Variants in HECW1 observed in about 807,000 individuals in gnomAD.
HECW1 encodes E3 ubiquitin-protein ligase HECW1.
Under a neutral mutation model 182.3 loss-of-function variants are expected in HECW1, and 61 were observed. That is an observed-to-expected ratio of 0.33 (90% CI 0.27 to 0.41). The LOEUF (loss-of-function observed/expected upper bound fraction) is 0.41, where lower values mean the gene tolerates loss of function less well. Ranked by LOEUF, HECW1 falls within the 10% of genes least tolerant of loss-of-function variation. The probability of loss-of-function intolerance (pLI) is 1.00; values close to 1 mark genes in which losing one functional copy is unlikely to be tolerated. For missense variants in HECW1, 1,739 were observed against 2,108.9 expected (o/e 0.82, Z 3.44); for synonymous variants, 859 against 832.6 (o/e 1.03, Z -0.55).
chr7:43,203,655 G>A (rs953410230), intron 2 of HECW1, among the ~76,000 whole-genome samples: 4 of 151,916 alleles, frequency 2.6e-5, no homozygotes, highest in African/African-American at 4.8e-5. Context: ...ACAGGGTTTC[G>A]CCATATTGGC....
intron 2 of HECW1, among the ~76,000 whole-genome samples, chr7:43,163,426 C>G (rs1453608176): frequency 6.6e-6 from 1 of 152,164 alleles, no homozygotes; most frequent in African/African-American, 2.4e-5. Context: ...CTTGTTCTGT[C>G]CGGGGGGAGG....
intron 7 of HECW1, among the ~76,000 whole-genome samples, chr7:43,399,192 GCTGTTGTCTTTGTTTC>G (rs1324348632): frequency 2.6e-5 from 4 of 152,190 alleles, no homozygotes; most frequent in African/African-American, 9.7e-5. Context: ...GGAAAGAGCT[GCTGTTGTCTTTGTTTC>G]AAAGGTAAAC....
intron 6 of HECW1, among the ~76,000 whole-genome samples, chr7:43,364,143 C>T (rs770572486): frequency 4.1e-4 from 62 of 152,176 alleles, no homozygotes; most frequent in Non-Finnish European, 2.6e-4. Flanking sequence ...TGTGACAATA[C>T]GCTAAACCTA....
At chr7:43,419,402 T>G (rs1391751955) in intron 8 of HECW1, among the ~76,000 whole-genome samples, 1 of 152,232 alleles carries the variant, frequency 6.6e-6, no homozygotes, top group Non-Finnish European at 1.5e-5. Context: ...TTTGGATTTT[T>G]AAAAACAAGC....
chr7:43,450,860 G>A lies in HECW1; in HGVS notation c.2431G>A (p.Val811Ile). 2 of 1,612,996 alleles carry A rather than the reference G, an allele frequency of 1.2e-6. No individual in the cohort carries two copies. The highest frequency in any genetic ancestry group is 1.1e-5 in the South Asian group (1 of 91,056). ...TCCTATACTCCATAATTCCCAGCCA[G>A]TAAGCCAGCTTCCTTCCCTGAGGCC... ...ECPILHNSQP[V>I]SQLPSLRPEH... is the part of the protein sequence containing the mutation. The change falls in exon 12 of 30, where the codon GTA (valine) becomes ATA (isoleucine). Residue 811 changes from valine to isoleucine, a missense_variant. Around this residue, in one of 5 missense-constraint regions of HECW1, gnomAD observed 971 missense variants for 1,029.1 expected, o/e 0.94. Coordinates refer to ENST00000395891, the MANE Select transcript of HECW1 (RefSeq NM_015052.5).
At chr7:43,318,864 G>C (rs1187108037) in intron 4 of HECW1, among the ~76,000 whole-genome samples, 1 of 152,210 alleles carries the variant, frequency 6.6e-6, no homozygotes, top group Non-Finnish European at 1.5e-5. Flanking sequence ...CGGTGGATTT[G>C]GACTCTCAAA....
At position 43,336,144 on chromosome 7, in the gene HECW1, TTCTCTCTC is replaced by T. The variant is rs768468130; in HGVS notation, c.460+15450_460+15457del. 9.9e-3 allele frequency among the ~76,000 whole-genome samples: 512 copies of T among 51,796 alleles called. 4 individuals are homozygous for T. Among genetic ancestry groups the T allele is most frequent in the Admixed American group, 0.024 (81 of 3,320 alleles). 34.0% of individuals were successfully genotyped at this position (51,796 alleles called of 152,430 possible). ...TTTCTTTCTCTCTCTCTCTCTCTCTTTCTCTCTCTCTCTCTCTCTCTCTCTCTCTCTCT... is the reference window on the plus strand; with the variant it reads ...TTTCTTTCTCTCTCTCTCTCTCTCTTTCTCTCTCTCTCTCTCTCTCTCTCT... On this transcript the variant is annotated intron_variant, in intron 5 of 29. Coordinates refer to ENST00000395891, the MANE Select transcript of HECW1 (RefSeq NM_015052.5).
intron 16 of HECW1, among the ~76,000 whole-genome samples, chr7:43,478,146 G>A (rs1168747313): frequency 6.6e-6 from 1 of 152,186 alleles, no homozygotes. Flanking sequence ...GCCAGGCTTG[G>A]TGGCTCACGC....
At chr7:43,168,412 A>G (rs535392616) in intron 2 of HECW1, among the ~76,000 whole-genome samples, 19 of 152,236 alleles carry the variant, frequency 1.2e-4, no homozygotes, top group African/African-American at 4.6e-4. Context: ...AATCTCAACA[A>G]TTTGGGAAGC....
intron 28 of HECW1, 37 bp from the exon 29 acceptor site, chr7:43,554,555 C>T: frequency 1.3e-6 from 2 of 1,573,446 alleles, no homozygotes; most frequent in South Asian, 1.1e-5. Context: ...CTCTTTTCTC[C>T]ACATCCTGTC....
At chr7:43,261,960 C>T (rs974775033) in intron 3 of HECW1, among the ~76,000 whole-genome samples, 2 of 151,910 alleles carry the variant, frequency 1.3e-5, no homozygotes, top group Admixed American at 6.6e-5. Context: ...GTGGTTTATG[C>T]CTGTAATCCC....
At chr7:43,247,861 GAAA>G (rs1248116600) in intron 3 of HECW1, among the ~76,000 whole-genome samples, 4 of 108,946 alleles carry the variant, frequency 3.7e-5, no homozygotes, top group Admixed American at 8.4e-5. Flanking sequence ...AGGAAGGAAA[GAAA>G]GAAGAAAGCA....
At chr7:43,514,329 G>T (rs868321817) in intron 24 of HECW1, among the ~76,000 whole-genome samples, 1 of 137,220 alleles carries the variant, frequency 7.3e-6, no homozygotes. Context: ...ATGGAATTTC[G>T]CTCTTGTCCC....
At chr7:43,486,892 A>T (rs559781153) in intron 17 of HECW1, among the ~76,000 whole-genome samples, 4 of 152,368 alleles carry the variant, frequency 2.6e-5, no homozygotes, top group African/African-American at 9.6e-5. Flanking sequence ...CCTCGTAGAC[A>T]GTTTCCACAC....
chr7:43,460,510 G>C (rs2152892109), intron 13 of HECW1, among the ~76,000 whole-genome samples: 1 of 152,102 alleles, frequency 6.6e-6, no homozygotes, highest in East Asian at 1.9e-4. Context: ...TTTCCTTCTT[G>C]TTTGGCTTTG....
intron 3 of HECW1, among the ~76,000 whole-genome samples, chr7:43,251,063 C>G (rs73101143): frequency 0.026 from 3,993 of 152,320 alleles, 81 homozygotes; most frequent in Non-Finnish European, 0.042. Flanking sequence ...ACCCCACCCC[C>G]CTTACTGGAT....
chr7:43,493,043 G>A (rs1471973252), intron 18 of HECW1, 41 bp from the exon 19 acceptor site: 2 of 1,364,272 alleles, frequency 1.5e-6, no homozygotes, highest in East Asian at 4.6e-5. Flanking sequence ...ATTATCTCTG[G>A]GCTGCAGACT....
intron 2 of HECW1, among the ~76,000 whole-genome samples, chr7:43,229,049 A>G (rs966132188): frequency 6.6e-6 from 1 of 152,224 alleles, no homozygotes; most frequent in African/African-American, 2.4e-5. Context: ...AATAAAAAGG[A>G]AGAACAATTA....
At chr7:43,273,350 A>G (rs1282112599) in intron 3 of HECW1, among the ~76,000 whole-genome samples, 1 of 152,204 alleles carries the variant, frequency 6.6e-6, no homozygotes, top group Non-Finnish European at 1.5e-5. Flanking sequence ...AAATAAATAA[A>G]TAGATTGAAA....
Sources: allele counts gnomAD v4.1 joint callset (sites outside exome capture counted in the v4.1 genomes callset), GRCh38; gene constraint gnomAD v4.1.1; regional missense constraint gnomAD v4.1.1; transcripts MANE v1.5; gene names NCBI Gene and HGNC (gene_info 2026-07-23, HGNC 2026-07-21).